ANKRD31: variants seen among roughly 807,000 people sequenced by gnomAD.
ANKRD31 encodes ankyrin repeat domain 31, also known as ankyrin repeat domain-containing protein 31.
In ANKRD31, 147 loss-of-function variants were observed where a neutral mutation model predicts 186.0. The ratio of observed to expected loss-of-function variants is 0.79; its 90% CI spans 0.69 to 0.91. ANKRD31 has a LOEUF of 0.91. Among genes scored for constraint, ANKRD31 ranks in the 40% least tolerant of loss-of-function variants. The probability of loss-of-function intolerance (pLI) is 0.00; values close to 1 mark genes in which losing one functional copy is unlikely to be tolerated. For missense variants in ANKRD31, 1,986 were observed against 2,148.8 expected (o/e 0.92, Z 1.50); for synonymous variants, 673 against 736.4 (o/e 0.91, Z 1.39).
chr5:75,093,659 C>T (rs1349564653), intron 22 of ANKRD31, among the ~76,000 whole-genome samples: 2 of 152,076 alleles, frequency 1.3e-5, no homozygotes, highest in Admixed American at 6.6e-5. Flanking sequence ...AGAAAAATAA[C>T]TCATCATTTA....
intron 22 of ANKRD31, among the ~76,000 whole-genome samples, chr5:75,094,546 T>G (rs992395618): frequency 6.6e-6 from 1 of 151,978 alleles, no homozygotes; most frequent in African/African-American, 2.4e-5. Flanking sequence ...TGATGAAAAG[T>G]CATTAAAGAA....
intron 10 of ANKRD31, 136 bp from the exon 11 acceptor site, chr5:75,169,257 C>T: frequency 1.0e-6 from 1 of 994,682 alleles, no homozygotes; most frequent in Non-Finnish European, 1.4e-6. Flanking sequence ...GATAGTATCA[C>T]CTGAAAGCAC....
At chr5:75,149,737 T>C (rs760989038) in intron 12 of ANKRD31, among the ~76,000 whole-genome samples, 1 of 151,934 alleles carries the variant, frequency 6.6e-6, no homozygotes, top group African/African-American at 2.4e-5. Flanking sequence ...ATATAATCCA[T>C]GTAAAGTGTT....
At chr5:75,122,300 A>G (rs912437909) in intron 17 of ANKRD31, among the ~76,000 whole-genome samples, 2 of 152,106 alleles carry the variant, frequency 1.3e-5, no homozygotes, top group Middle Eastern at 3.4e-3. Flanking sequence ...CCAACAAAAA[A>G]AAAAGCCTAG....
rs541512163 is a variant in ANKRD31 at position 75,151,560 on chromosome 5, G to A, written c.1852+2641C>T. Among the ~76,000 whole-genome samples, 233 of 152,118 alleles carry A rather than the reference G, an allele frequency of 1.5e-3. 1 individual carries two copies. Among genetic ancestry groups the A allele is most frequent in the African/African-American group, 5.4e-3 (224 of 41,522 alleles). The stretch of plus-strand genomic sequence containing the variant: ...TGTTTCACTTCCACCATGATTGTAA[G>A]TTTCCTTAGGCCTCCCTAGTCCTGC... On this transcript the variant is annotated intron_variant, in intron 12 of 25. Coordinates refer to ENST00000506364, the MANE Select transcript of ANKRD31 (RefSeq NM_001372053.1).
rs376522146 is a variant in ANKRD31 at position 75,204,213 on chromosome 5, CAG to C, written c.403+2196_403+2197del. On this transcript the variant is annotated intron_variant, in intron 5 of 25. Transcript: ENST00000506364. ...TGCTCTTAAACTAATTCTAAAATAA[CAG>C]TATCATTGTTGTAATTCATTCTTCT... 4.0e-3 allele frequency among the ~76,000 whole-genome samples: 604 copies of C among 152,238 alleles called. 1 individual carries two copies. Among genetic ancestry groups the C allele is most frequent in the South Asian group, 0.013 (64 of 4,826 alleles).
chr5:75,193,729 T>C (rs1045353707), intron 7 of ANKRD31, 138 bp from the exon 8 acceptor site: 3 of 702,352 alleles, frequency 4.3e-6, no homozygotes, highest in Non-Finnish European at 6.8e-6. Context: ...TTCATAGACA[T>C]ATGTGGACAT....
chr5:75,171,589 G>C (rs1337345494), intron 10 of ANKRD31, among the ~76,000 whole-genome samples: 1 of 150,718 alleles, frequency 6.6e-6, no homozygotes, highest in Admixed American at 6.6e-5. Context: ...ATAAGTAGAA[G>C]GCAGAAAAAG....
At chr5:75,114,934 G>C (rs1262445730) in intron 19 of ANKRD31, among the ~76,000 whole-genome samples, 5 of 152,138 alleles carry the variant, frequency 3.3e-5, no homozygotes, top group Non-Finnish European at 2.9e-5. Flanking sequence ...AACCAAAAAA[G>C]AGCCCGCATC....
At position 75,145,919 on chromosome 5, in the gene ANKRD31, T is replaced by G. The variant is rs563100293; in HGVS notation, c.3424+68A>C. 3.0e-5 allele frequency: 39 copies of G among 1,298,844 alleles called. No individual in the cohort carries two copies. In the Admixed American group the frequency reaches 1.1e-3, roughly 37 times the overall value. The allele number at this position is 1,298,844 out of a possible 1,614,324, so 80.5% of individuals were successfully genotyped here. On this transcript the variant is annotated intron_variant, in intron 14 of 25. Transcript: ENST00000506364. ...TGGCCATCGTTTGAATACAATTCAG[T>G]TGGAAATTTCTATAAAAATAAGTAA...
intron 11 of ANKRD31, among the ~76,000 whole-genome samples, chr5:75,167,126 G>C (rs1313588084): frequency 6.6e-6 from 1 of 151,160 alleles, no homozygotes; most frequent in East Asian, 1.9e-4. Flanking sequence ...TGTCTCTATA[G>C]ATTTGACTAT....
intron 10 of ANKRD31, 30 bp from the exon 11 acceptor site, chr5:75,169,151 T>C (rs1753139121): frequency 8.5e-6 from 13 of 1,526,950 alleles, no homozygotes; most frequent in Non-Finnish European, 1.1e-5. Flanking sequence ...GGCATTTGTT[T>C]ACATTTGGCA....
At chr5:75,108,675 T>C (rs1424503085) in intron 20 of ANKRD31, among the ~76,000 whole-genome samples, 2 of 152,072 alleles carry the variant, frequency 1.3e-5, no homozygotes, top group East Asian at 3.9e-4. Context: ...GACACATGAT[T>C]TGGTAAGTAT....
At chr5:75,074,316 C>T (rs1027114256) in intron 25 of ANKRD31, among the ~76,000 whole-genome samples, 4 of 152,184 alleles carry the variant, frequency 2.6e-5, no homozygotes, top group African/African-American at 9.7e-5. Flanking sequence ...TTCTCATCAT[C>T]TTAATCTTTT....
At position 75,146,233 on chromosome 5, in the gene ANKRD31, T is replaced by C. The variant is rs1386909192; in HGVS notation, c.3178A>G (p.Asn1060Asp). ...DTHIVEKMAK[N>D]CDTERNYIDR... ...ATGTAATTCCTCTCAGTGTCACAAT[T>C]CTTTGCCATCTTTTCCACAATATGT... Residue 1060 changes from asparagine to aspartate, a missense_variant, in exon 14 of 26, where the codon AAT (asparagine) becomes GAT (aspartate). Transcript: ENST00000506364. 1 of 1,536,456 alleles carries C rather than the reference T, an allele frequency of 6.5e-7. No individual in the cohort carries two copies.
chr5:75,099,096 A>G (rs560933745), intron 22 of ANKRD31, among the ~76,000 whole-genome samples: 15 of 152,314 alleles, frequency 9.8e-5, no homozygotes, highest in African/African-American at 3.6e-4. Context: ...TTATTTTGAG[A>G]TACATCCCAT....
intron 9 of ANKRD31, among the ~76,000 whole-genome samples, chr5:75,192,163 G>A (rs1439402181): frequency 1.3e-5 from 2 of 152,030 alleles, no homozygotes; most frequent in Non-Finnish European, 2.9e-5. Flanking sequence ...ACTTACCTCT[G>A]ATACAATATT....
chr5:75,114,792 T>G (rs1298452729), intron 19 of ANKRD31, among the ~76,000 whole-genome samples: 1 of 152,172 alleles, frequency 6.6e-6, no homozygotes, highest in Non-Finnish European at 1.5e-5. Flanking sequence ...TCCATGCTCA[T>G]GGATAGGAAG....
In ANKRD31 at chr5:75,236,676, C is replaced by T. The variant is rs1010198617; in HGVS notation, c.11G>A (p.Gly4Asp). Reference sequence around the variant, plus strand: ...ACTGTCCCAGTCTGGGGCCTGGACGCCTTCCTCCATCTTTGCCTCACATTC... The same window carrying T: ...ACTGTCCCAGTCTGGGGCCTGGACGTCTTCCTCCATCTTTGCCTCACATTC... Reference protein sequence around the residue: MEEGVQAPDWDSDE... With the variant: MEEDVQAPDWDSDE... The change falls in exon 1 of 26, where the codon GGC becomes GAC. Residue 4 changes from glycine to aspartate, a missense_variant. Physicochemically the swap from Gly to Asp is moderately conservative, Grantham distance 94. Coordinates refer to ENST00000506364, the MANE Select transcript of ANKRD31 (RefSeq NM_001372053.1). The T allele has an allele frequency of 1.6e-5, 24 of 1,536,072 alleles. No homozygotes were observed. Among genetic ancestry groups the T allele is most frequent in the Non-Finnish European group, 2.1e-5 (24 of 1,146,208 alleles).
Sources: allele counts gnomAD v4.1 joint callset (sites outside exome capture counted in the v4.1 genomes callset), GRCh38; gene constraint gnomAD v4.1.1; transcripts MANE v1.5; gene names NCBI Gene and HGNC (gene_info 2026-07-23, HGNC 2026-07-21).